MAPK6: variants seen among roughly 807,000 people sequenced by gnomAD.
MAPK6 encodes mitogen-activated protein kinase 6, also known as ERK-3.
In MAPK6, 19 loss-of-function variants were observed where a neutral mutation model predicts 59.3. The observed-to-expected ratio is 0.32, with a 90% CI of 0.22 to 0.47. The LOEUF is 0.47. Among genes scored for constraint, MAPK6 ranks in the 20% least tolerant of loss-of-function variants. The pLI is 1.00. For synonymous variants in MAPK6, 316 were observed against 290.3 expected (o/e 1.09, Z -0.90); for missense variants, 724 against 847.9 (o/e 0.85, Z 1.81).
chr15:51,992,305 A>ATTTTT (rs61396800), intron 2 of MAPK6, among the ~76,000 whole-genome samples: 21,915 of 101,394 alleles, frequency 0.22, 4,234 homozygotes, highest in Non-Finnish European at 0.31. Context: ...ATATATATAT[A>ATTTTT]TTTTTTTTTT....
intron 2 of MAPK6, among the ~76,000 whole-genome samples, chr15:51,993,690 T>A (rs1039270061): frequency 1.3e-5 from 2 of 152,166 alleles, no homozygotes; most frequent in African/African-American, 2.4e-5. Context: ...ATATTTCATA[T>A]ATTCCCTAGC....
rs764329792 is a variant in MAPK6 at position 52,066,312 on chromosome 15, A to T, written c.*1312A>T. 4 of 152,348 alleles carry T rather than the reference A, an allele frequency of 2.6e-5. No homozygotes were observed. Among genetic ancestry groups the T allele is most frequent in the Admixed American group, 6.5e-5 (1 of 15,300 alleles). The allele number at this position is 152,348 out of a possible 1,614,324, so 9.4% of individuals were successfully genotyped here. A position where few individuals can be genotyped will look rare whatever the true frequency, so the allele number is the denominator to read the frequency against. On this transcript the variant is annotated 3_prime_UTR_variant, in exon 6 of 6. Coordinates refer to ENST00000261845, the MANE Select transcript of MAPK6 (RefSeq NM_002748.4). ...TAATGAAAATTTTCTGCTAGAATGA[A>T]AATTACTACCAGAATCACTTTGAAT...
At chr15:52,027,485 T>G (rs1300411041) in intron 1 of MAPK6, among the ~76,000 whole-genome samples, 1 of 151,646 alleles carries the variant, frequency 6.6e-6, no homozygotes, top group Non-Finnish European at 1.5e-5. Context: ...CCAATCAGGC[T>G]TAATACATAT....
At chr15:52,049,568 T>G (rs1281666247) in intron 2 of MAPK6, among the ~76,000 whole-genome samples, 1 of 151,562 alleles carries the variant, frequency 6.6e-6, no homozygotes, top group Non-Finnish European at 1.5e-5. Flanking sequence ...CCTCAAGTGA[T>G]CCACCTACCT....
chr15:52,007,752 A>AATTTCT lies in MAPK6; in HGVS notation c.-632+3355_-632+3360dup, dbSNP rs1172630746. 5.0e-4 allele frequency among the ~76,000 whole-genome samples: 76 copies of AATTTCT among 151,968 alleles called. 1 individual carries two copies. Among genetic ancestry groups the AATTTCT allele is most frequent in the Middle Eastern group, 3.4e-3 (1 of 292 alleles). ...CTTTGTGGACTCACCAAAATGACAT[A>AATTTCT]ATTTCTATTTTTTAGCTCTTACATA... On this transcript the variant is annotated intron_variant, in intron 3 of 7. Transcript: ENST00000691380.
At chr15:51,979,253 AAGAG>A (rs957107828) in intron 1 of MAPK6, among the ~76,000 whole-genome samples, 11 of 151,366 alleles carry the variant, frequency 7.3e-5, no homozygotes, top group Non-Finnish European at 1.2e-4. Context: ...GAAGGAAAGA[AAGAG>A]AAAGAAAGAA....
In MAPK6 at chr15:52,065,240, G is replaced by A. The variant is rs184104841; in HGVS notation, c.*240G>A. The A allele has an allele frequency of 6.1e-4, 235 of 387,052 alleles. 2 individuals carry two copies. In the East Asian group the frequency reaches 9.5e-3, roughly 16 times the overall value. 24.0% of individuals were successfully genotyped at this position (387,052 alleles called of 1,614,324 possible). A position where few individuals can be genotyped will look rare whatever the true frequency, so the allele number is the denominator to read the frequency against. On this transcript the variant is annotated 3_prime_UTR_variant, in exon 6 of 6. Coordinates refer to ENST00000261845, the MANE Select transcript of MAPK6 (RefSeq NM_002748.4). The stretch of plus-strand genomic sequence containing the variant: ...AGAGCAAAATAATGCAACGCAGGAG[G>A]AGAAAAGAAATGCACTAAGACAAGA...
intron 1 of MAPK6, among the ~76,000 whole-genome samples, chr15:52,026,031 G>T (rs1358389641): frequency 6.6e-6 from 1 of 152,154 alleles, no homozygotes; most frequent in African/African-American, 2.4e-5. Flanking sequence ...ATACATCTGT[G>T]TTCAATAAAG....
intron 3 of MAPK6, among the ~76,000 whole-genome samples, chr15:52,055,017 T>G (rs575769041): frequency 4.6e-5 from 7 of 152,210 alleles, no homozygotes; most frequent in Non-Finnish European, 4.4e-5. Context: ...TGACCTCAGG[T>G]GATCTGTGTG....
chr15:52,026,806 CTT>C (rs1341034824), intron 1 of MAPK6, among the ~76,000 whole-genome samples: 1 of 151,616 alleles, frequency 6.6e-6, no homozygotes, highest in Non-Finnish European at 1.5e-5. Flanking sequence ...AATCTCAGCA[CTT>C]TGGGAGGCCG....
intron 1 of MAPK6, chr15:52,021,398 T>C (rs2030523721): frequency 6.6e-6 from 1 of 151,786 alleles, no homozygotes; most frequent in Non-Finnish European, 1.5e-5. Flanking sequence ...CTGTATTTTT[T>C]TCTAAATGAT....
At chr15:51,983,500 G>T (rs983860970) in intron 2 of MAPK6, among the ~76,000 whole-genome samples, 1 of 142,832 alleles carries the variant, frequency 7.0e-6, no homozygotes. Context: ...AACAAAAAAC[G>T]ACAACAACAA....
chr15:52,056,358 C>G (rs538117133), intron 3 of MAPK6, among the ~76,000 whole-genome samples: 1 of 152,314 alleles, frequency 6.6e-6, no homozygotes, highest in Admixed American at 6.5e-5. Context: ...TCCAGTCTTA[C>G]AAAATAATCT....
chr15:51,993,748 G>A (rs767589276), intron 2 of MAPK6, among the ~76,000 whole-genome samples: 3 of 151,332 alleles, frequency 2.0e-5, no homozygotes, highest in Admixed American at 6.6e-5. Flanking sequence ...ATAGCAATGC[G>A]TACACATAAT....
upstream of MAPK6, among the ~76,000 whole-genome samples, chr15:52,016,070 G>GCGCGCACGCA: frequency 1.8e-5 from 1 of 55,392 alleles, no homozygotes; most frequent in Non-Finnish European, 3.4e-5. Context: ...GCGCGCGCGC[G>GCGCGCACGCA]CACACACACA....
At chr15:51,989,731 C>G (rs754230594) in intron 2 of MAPK6, among the ~76,000 whole-genome samples, 65 of 152,134 alleles carry the variant, frequency 4.3e-4, no homozygotes, top group Admixed American at 4.6e-4. Flanking sequence ...TCCCAACTAG[C>G]TAGGACTACA....
intron 3 of MAPK6, among the ~76,000 whole-genome samples, chr15:52,013,022 T>TAC (rs2030133287): frequency 3.0e-5 from 1 of 33,876 alleles, no homozygotes; most frequent in Non-Finnish European, 5.5e-5. Context: ...AAAAAAAAAA[T>TAC]ATATATATAT....
chr15:52,042,305 G>T (rs2031447789), intron 1 of MAPK6, among the ~76,000 whole-genome samples: 1 of 152,140 alleles, frequency 6.6e-6, no homozygotes, highest in South Asian at 2.1e-4. Flanking sequence ...TTGTCTAGTG[G>T]AATTACAGTT....
At chr15:51,976,266 C>CA (rs774556505) in intron 1 of MAPK6, among the ~76,000 whole-genome samples, 1,187 of 44,362 alleles carry the variant, frequency 0.027, 9 homozygotes, top group Non-Finnish European at 0.037. Context: ...ACTCCCATCT[C>CA]AAAAAAAAAA....
Sources: allele counts gnomAD v4.1 joint callset (sites outside exome capture counted in the v4.1 genomes callset), GRCh38; gene constraint gnomAD v4.1.1; transcripts MANE v1.5; gene names NCBI Gene and HGNC (gene_info 2026-07-23, HGNC 2026-07-21).